FBXL4: variants seen among roughly 807,000 people sequenced by gnomAD.
The protein encoded by FBXL4 is F-box/LRR-repeat protein 4.
Under a neutral mutation model 58.9 loss-of-function variants are expected in FBXL4, and 40 were observed. The ratio of observed to expected loss-of-function variants is 0.68; its 90% confidence interval spans 0.53 to 0.88. The LOEUF (loss-of-function observed/expected upper bound fraction) is 0.88, where lower values mean the gene tolerates loss of function less well. Among genes scored for constraint, FBXL4 ranks in the 40% least tolerant of loss-of-function variants. The probability of loss-of-function intolerance (pLI) is 0.00; values close to 1 mark genes in which losing one functional copy is unlikely to be tolerated. For synonymous variants in FBXL4, 263 were observed against 265.5 expected (o/e 0.99, Z 0.09); for missense variants, 676 against 734.4 (o/e 0.92, Z 0.92).
At chr6:98,917,791 C>T in intron 4 of FBXL4, 72 bp from the exon 5 acceptor site, 1 of 1,045,842 alleles carries the variant, frequency 9.6e-7, no homozygotes, top group Admixed American at 2.5e-5. Flanking sequence ...GTTATAGACC[C>T]ATGCCCAATA....
intron 5 of FBXL4, among the ~76,000 whole-genome samples, chr6:98,916,781 C>T (rs994250455): frequency 2.0e-5 from 3 of 148,780 alleles, no homozygotes; most frequent in African/African-American, 5.0e-5. Flanking sequence ...AACTAACCTG[C>T]ACATTGTGCA....
At chr6:98,889,046 T>C (rs1264132401) in intron 7 of FBXL4, among the ~76,000 whole-genome samples, 1 of 152,190 alleles carries the variant, frequency 6.6e-6, no homozygotes, top group Non-Finnish European at 1.5e-5. Context: ...GTTGGTCACA[T>C]GACACTCAGC....
chr6:98,909,257 A>G (rs952568321), intron 5 of FBXL4, among the ~76,000 whole-genome samples: 2 of 152,216 alleles, frequency 1.3e-5, no homozygotes, highest in African/African-American at 2.4e-5. Flanking sequence ...TGAAACCCAA[A>G]CAGACCTCTA....
At chr6:98,874,949 G>A (rs973324650) in intron 9 of FBXL4, among the ~76,000 whole-genome samples, 2 of 152,176 alleles carry the variant, frequency 1.3e-5, no homozygotes, top group African/African-American at 4.8e-5. Context: ...AGCTGGAAAA[G>A]ATTTTCAATA....
At chr6:98,928,500 T>C (rs1772879026) in intron 2 of FBXL4, among the ~76,000 whole-genome samples, 1 of 152,038 alleles carries the variant, frequency 6.6e-6, no homozygotes. Context: ...AGCTAATTTT[T>C]TGTAGTTTTA....
chr6:98,868,855 T>C lies in FBXL4; in HGVS notation c.*5423A>G, dbSNP rs977814771. The C allele has an allele frequency of 3.3e-5, 5 of 152,220 alleles. No homozygotes were observed. The highest frequency in any genetic ancestry group is 1.2e-4 in the African/African-American group (5 of 41,450). 9.4% of individuals were successfully genotyped at this position (152,220 alleles called of 1,614,324 possible). On this transcript the variant is annotated 3_prime_UTR_variant, in exon 10 of 10. Transcript: ENST00000369244. ...CTACCTTTTTCCTTTCAAAATGTAG[T>C]CAAATATACCTTTAACAGTATTCAT...
intron 1 of FBXL4, among the ~76,000 whole-genome samples, chr6:98,940,077 G>A (rs1405633675): frequency 6.6e-6 from 1 of 152,186 alleles, no homozygotes. Context: ...CTGTAAGTGT[G>A]TGACTACCTT....
chr6:98,935,053 A>AC (rs1773155896), intron 1 of FBXL4, among the ~76,000 whole-genome samples, 174 bp from the exon 2 acceptor site: 1 of 152,240 alleles, frequency 6.6e-6, no homozygotes, highest in Non-Finnish European at 1.5e-5. Context: ...AGCAAGAGGT[A>AC]CCCAAGAAGT....
chr6:98,934,443 A>G (rs1167866012), intron 2 of FBXL4, among the ~76,000 whole-genome samples: 1 of 152,128 alleles, frequency 6.6e-6, no homozygotes, highest in East Asian at 1.9e-4. Context: ...AGGCCGTAAT[A>G]TAACAGCAAA....
chr6:98,877,161 A>C (rs1027989585), intron 8 of FBXL4, among the ~76,000 whole-genome samples: 1 of 152,088 alleles, frequency 6.6e-6, no homozygotes, highest in Admixed American at 6.6e-5. Flanking sequence ...TTAGATATAG[A>C]GGTAATGATT....
At chr6:98,876,190 A>AGT (rs1770656198) in intron 8 of FBXL4, among the ~76,000 whole-genome samples, 1 of 152,204 alleles carries the variant, frequency 6.6e-6, no homozygotes, top group South Asian at 2.1e-4. Context: ...TGATAATACT[A>AGT]ATAAGGATAC....
At position 98,905,346 on chromosome 6, in the gene FBXL4, T is replaced by C; in HGVS notation, c.1103+80A>G. On this transcript the variant is annotated intron_variant, in intron 6 of 9. Transcript: ENST00000369244. ...AAGTACATGTTACATAATTTCAAACTTTTATTATGAAAACCACTACATAAT... is the reference window on the plus strand; with the variant it reads ...AAGTACATGTTACATAATTTCAAACCTTTATTATGAAAACCACTACATAAT... 6.7e-7 allele frequency: 1 copy of C among 1,500,782 alleles called. No homozygotes were observed. Among genetic ancestry groups the C allele is most frequent in the Non-Finnish European group, 9.0e-7 (1 of 1,107,596 alleles). 93.0% of individuals were successfully genotyped at this position (1,500,782 alleles called of 1,614,324 possible). A position where few individuals can be genotyped will look rare whatever the true frequency, so the allele number is the denominator to read the frequency against.
intron 5 of FBXL4, among the ~76,000 whole-genome samples, chr6:98,911,747 C>A (rs972282828): frequency 1.2e-4 from 19 of 152,130 alleles, no homozygotes; most frequent in African/African-American, 4.3e-4. Context: ...AGCAGAAAAA[C>A]TGGAAACTCT....
chr6:98,893,176 A>G (rs1316340553), intron 7 of FBXL4, among the ~76,000 whole-genome samples: 1 of 152,166 alleles, frequency 6.6e-6, no homozygotes, highest in Non-Finnish European at 1.5e-5. Context: ...TGTGGGACTT[A>G]TCTTAAAGAC....
In FBXL4 at chr6:98,881,084, T is replaced by A. The variant is rs1202466327; in HGVS notation, c.1318-460A>T. ...CTGATCAGCTGCAGCTTGATGGAAC[T>A]GCCAATAGAGTCACCCCAAATCAGG... On this transcript the variant is annotated intron_variant, in intron 7 of 9. Transcript: ENST00000369244. Among the ~76,000 whole-genome samples, 5 of 152,312 alleles carry A rather than the reference T, an allele frequency of 3.3e-5. No individual in the cohort carries two copies. In the East Asian group the frequency reaches 5.8e-4, roughly 18 times the overall value.
intron 8 of FBXL4, among the ~76,000 whole-genome samples, chr6:98,876,274 T>G (rs1770659022): frequency 6.6e-6 from 1 of 152,202 alleles, no homozygotes; most frequent in South Asian, 2.1e-4. Flanking sequence ...AATATGTTAA[T>G]CAACTGTCAG....
intron 2 of FBXL4, among the ~76,000 whole-genome samples, chr6:98,930,027 A>G (rs1772952597): frequency 6.6e-6 from 1 of 152,204 alleles, no homozygotes; most frequent in Admixed American, 6.5e-5. Context: ...AAACTTTAGG[A>G]CCTGGTAAGA....
At chr6:98,916,831 A>AC in intron 5 of FBXL4, among the ~76,000 whole-genome samples, 1 of 69,820 alleles carries the variant, frequency 1.4e-5, no homozygotes, top group African/African-American at 6.6e-5. Context: ...AAAAAAAACT[A>AC]AAAAAAAAAA....
chr6:98,910,356 A>G (rs1347686541), intron 5 of FBXL4, among the ~76,000 whole-genome samples: 1 of 152,202 alleles, frequency 6.6e-6, no homozygotes, highest in East Asian at 1.9e-4. Flanking sequence ...CAAACAAAAA[A>G]GTATTAATAA....
Sources: gnomAD v4.1 joint callset for allele counts (sites outside exome capture counted in the v4.1 genomes callset) on GRCh38, gnomAD v4.1.1 for gene constraint, MANE v1.5 for transcripts, NCBI Gene and HGNC (gene_info 2026-07-23, HGNC 2026-07-21) for gene names.